The following SLC22A15 variants were observed in gnomAD, a reference collection of about 807,000 sequenced individuals.
The protein encoded by SLC22A15 is solute carrier family 22 member 15.
SLC22A15 carries 45 observed loss-of-function variants against 62.7 expected under a neutral mutation model. The ratio of observed to expected loss-of-function variants is 0.72; its 90% CI spans 0.56 to 0.92. The LOEUF (loss-of-function observed/expected upper bound fraction) is 0.92. Among genes scored for constraint, SLC22A15 ranks in the 40% least tolerant of loss-of-function variants. The pLI, the probability that SLC22A15 is intolerant of heterozygous loss-of-function variation, is 0.00. For missense variants in SLC22A15, 622 were observed against 665.6 expected, an observed-to-expected ratio of 0.93 and a Z score of 0.72; for synonymous variants, 264 against 267.0, an observed-to-expected ratio of 0.99 and a Z score of 0.11.
intron 2 of SLC22A15, 37 bp downstream of exon 2, chr1:115,992,280 T>G: frequency 6.7e-7 from 1 of 1,496,212 alleles, no homozygotes; most frequent in Non-Finnish European, 9.1e-7. Context: ...AATAAATGTC[T>G]CTCTTTGTCC....
At chr1:116,063,895 G>T (rs1480537861) in intron 9 of SLC22A15, among the ~76,000 whole-genome samples, 1 of 151,934 alleles carries the variant, frequency 6.6e-6, no homozygotes, top group Non-Finnish European at 1.5e-5. Flanking sequence ...GGTGTTCTTG[G>T]TTTCCTGACA....
intron 1 of SLC22A15, among the ~76,000 whole-genome samples, chr1:115,981,619 A>G (rs543206854): frequency 3.4e-4 from 52 of 152,318 alleles, no homozygotes; most frequent in Non-Finnish European, 6.9e-4. Flanking sequence ...TTGTTGATCT[A>G]TTAGACAGAT....
chr1:116,049,390 A>G (rs1176114170), intron 8 of SLC22A15, among the ~76,000 whole-genome samples: 1 of 152,204 alleles, frequency 6.6e-6, no homozygotes, highest in Non-Finnish European at 1.5e-5. Context: ...TTGAAATTAT[A>G]TCAAGCACTC....
At chr1:116,026,322 G>T (rs1024665661) in intron 4 of SLC22A15, among the ~76,000 whole-genome samples, 1 of 152,062 alleles carries the variant, frequency 6.6e-6, no homozygotes, top group African/African-American at 2.4e-5. Context: ...GGGAGGCTGA[G>T]GCAGAGAATT....
intron 2 of SLC22A15, among the ~76,000 whole-genome samples, chr1:116,013,173 C>T (rs543544709): frequency 2.0e-5 from 3 of 152,270 alleles, no homozygotes; most frequent in African/African-American, 7.2e-5. Flanking sequence ...GCAGCCCAGT[C>T]GTAAGTCGAG....
At chr1:116,014,344 T>TTTCTTTA (rs1372367097) in intron 2 of SLC22A15, among the ~76,000 whole-genome samples, 9 of 152,228 alleles carry the variant, frequency 5.9e-5, no homozygotes, top group Admixed American at 3.9e-4. Flanking sequence ...TCAGGTCCAC[T>TTTCTTTA]TTCTTTAGAT....
chr1:116,011,801 G>T (rs1057066497), intron 2 of SLC22A15, among the ~76,000 whole-genome samples: 1 of 152,144 alleles, frequency 6.6e-6, no homozygotes, highest in African/African-American at 2.4e-5. Context: ...AGTGGGGAGT[G>T]GGGAGAGGAG....
intron 2 of SLC22A15, among the ~76,000 whole-genome samples, chr1:116,012,254 G>A (rs1015981144): frequency 5.9e-5 from 9 of 152,078 alleles, no homozygotes; most frequent in African/African-American, 2.2e-4. Context: ...CAGAGCCAAG[G>A]AGAAGTTGCT....
At position 116,056,768 on chromosome 1, in the gene SLC22A15, G is replaced by A. The variant is rs370511409; in HGVS notation, c.1172-5994G>A. On this transcript the variant is annotated intron_variant, in intron 8 of 11. Coordinates refer to ENST00000369503, the MANE Select transcript of SLC22A15 (RefSeq NM_018420.3). ...GTAACGCCGCATATCTACAACTATC[G>A]GATCTTTGACAAAGCTGAGAAAAAC... Among the ~76,000 whole-genome samples the A allele has an allele frequency of 2.7e-4, 41 of 152,150 alleles. 1 individual carries two copies. The South Asian group carries it at 5.6e-3, about 21-fold the overall frequency.
chr1:116,066,741 G>A (rs1321834699), intron 11 of SLC22A15, 33 bp downstream of exon 11: 2 of 1,557,560 alleles, frequency 1.3e-6, no homozygotes, highest in Non-Finnish European at 8.7e-7. Context: ...TATACCGCTT[G>A]GATAGTGGCA....
At chr1:116,045,940 C>T (rs974847953) in intron 8 of SLC22A15, among the ~76,000 whole-genome samples, 7 of 151,656 alleles carry the variant, frequency 4.6e-5, no homozygotes, top group African/African-American at 1.7e-4. Context: ...AATATACATA[C>T]AGAAAAATGC....
chr1:116,031,603 C>G, intron 6 of SLC22A15, 22 bp downstream of exon 6: 1 of 1,610,802 alleles, frequency 6.2e-7, no homozygotes. Flanking sequence ...AAGGCGTGTT[C>G]TGTTGCTCTT....
At position 115,992,191 on chromosome 1, in the gene SLC22A15, A is replaced by C. The variant is rs1655175433; in HGVS notation, c.248A>C (p.Glu83Ala). The C allele has an allele frequency of 6.2e-7, 1 of 1,609,466 alleles. No homozygotes were observed. The highest frequency in any genetic ancestry group is 1.3e-5 in the African/African-American group (1 of 74,856). Residue 83 changes from glutamate (E) to alanine (A), a missense_variant, in exon 2 of 12, where the codon GAG (glutamate) becomes GCG (alanine). By Grantham distance (107) the Glu-to-Ala change is moderately radical (BLOSUM62 -1). Coordinates refer to ENST00000369503, the MANE Select transcript of SLC22A15 (RefSeq NM_018420.3). ...GDWLLTANGSEIHKHVHFSSS... is the reference protein window; with the variant it reads ...GDWLLTANGSAIHKHVHFSSS... ...TGGCTCCTGACAGCCAACGGCAGTG[A>C]GATCCATAAGCACGTGCATTTCAGC...
chr1:116,020,929 A>G (rs780266960), intron 4 of SLC22A15, 44 bp downstream of exon 4: 11 of 1,527,612 alleles, frequency 7.2e-6, no homozygotes, highest in Non-Finnish European at 9.7e-6. Flanking sequence ...GAGCAGCTCC[A>G]GAAAATTTTA....
At chr1:116,025,794 A>C (rs1287879018) in intron 4 of SLC22A15, among the ~76,000 whole-genome samples, 2 of 152,216 alleles carry the variant, frequency 1.3e-5, no homozygotes, top group Non-Finnish European at 2.9e-5. Flanking sequence ...TGAAACCATT[A>C]TGCTTAATAA....
intron 8 of SLC22A15, among the ~76,000 whole-genome samples, chr1:116,055,737 A>G (rs1658186817): frequency 6.6e-6 from 1 of 150,404 alleles, no homozygotes; most frequent in Non-Finnish European, 1.5e-5. Context: ...CCTGGGATGC[A>G]AGGCTGGTTC....
chr1:116,066,393 G>A, intron 10 of SLC22A15, 127 bp from the exon 11 acceptor site: 1 of 745,380 alleles, frequency 1.3e-6, no homozygotes, highest in Non-Finnish European at 2.1e-6. Flanking sequence ...GGCTTATAGT[G>A]TTGTCTAGTG....
At chr1:116,033,029 A>AGAGCCAAATAAACTTCTTCCC (rs1228499512) in intron 6 of SLC22A15, among the ~76,000 whole-genome samples, 2 of 152,178 alleles carry the variant, frequency 1.3e-5, no homozygotes, top group African/African-American at 4.8e-5. Flanking sequence ...TATTTCTTAC[A>AGAGCCAAATAAACTTCTTCCC]CAGCCAAATA....
intron 1 of SLC22A15, 64 bp downstream of exon 1, chr1:115,976,778 G>A: frequency 1.5e-6 from 2 of 1,315,484 alleles, no homozygotes; most frequent in Non-Finnish European, 2.1e-6. Flanking sequence ...AGGGCTAGGC[G>A]TCCGCTCCCA....
Sources: allele counts gnomAD v4.1 joint callset (sites outside exome capture counted in the v4.1 genomes callset), GRCh38; gene constraint gnomAD v4.1.1; transcripts MANE v1.5; gene names NCBI Gene and HGNC (gene_info 2026-07-23, HGNC 2026-07-21).